The following TAFA1 variants were observed in gnomAD, a reference collection of about 807,000 sequenced individuals.
TAFA1 encodes TAFA chemokine like family member 1, also known as chemokine-like protein TAFA-1.
In TAFA1, 4 loss-of-function variants were observed where a neutral mutation model predicts 18.5. The observed-to-expected ratio is 0.22, with a 90% CI of 0.11 to 0.49. The LOEUF is 0.49. TAFA1 is among the 20% of genes least tolerant of loss of function. TAFA1 has a pLI of 0.98. For synonymous variants in TAFA1, 56 were observed against 55.2 expected, an observed-to-expected ratio of 1.01 and a Z score of -0.06; for missense variants, 147 against 169.0, an observed-to-expected ratio of 0.87 and a Z score of 0.72.
At chr3:68,474,281 A>G (rs575953667) in intron 3 of TAFA1, among the ~76,000 whole-genome samples, 1 of 152,222 alleles carries the variant, frequency 6.6e-6, no homozygotes, top group South Asian at 2.1e-4. Flanking sequence ...TCACCACTAT[A>G]CCAGGCTTCT....
At chr3:68,392,931 G>A (rs561227744) in intron 2 of TAFA1, among the ~76,000 whole-genome samples, 9 of 151,848 alleles carry the variant, frequency 5.9e-5, no homozygotes, top group East Asian at 5.8e-4. Flanking sequence ...ACACCCTAAC[G>A]TCACAATTAA....
intron 2 of TAFA1, among the ~76,000 whole-genome samples, chr3:68,364,231 G>A (rs2069525775): frequency 1.3e-5 from 2 of 152,160 alleles, no homozygotes; most frequent in South Asian, 4.1e-4. Context: ...TGTAATATTT[G>A]TTTAAAATAC....
At chr3:68,532,988 C>T (rs2073212357) in intron 3 of TAFA1, among the ~76,000 whole-genome samples, 1 of 151,266 alleles carries the variant, frequency 6.6e-6, no homozygotes, top group African/African-American at 2.4e-5. Flanking sequence ...AAAAGAGACA[C>T]CAGTCACCAT....
intron 2 of TAFA1, among the ~76,000 whole-genome samples, chr3:68,338,435 C>T (rs547573355): frequency 6.6e-6 from 1 of 152,252 alleles, no homozygotes; most frequent in African/African-American, 2.4e-5. Flanking sequence ...CCTCTGTTAA[C>T]AGTGAATGTT....
chr3:68,390,623 G>A lies in TAFA1; in HGVS notation c.119-26657G>A, dbSNP rs115400142. Among the ~76,000 whole-genome samples the A allele has an allele frequency of 8.1e-3, 1,239 of 152,324 alleles. 15 individuals are homozygous for A. Among genetic ancestry groups the A allele is most frequent in the African/African-American group, 0.028 (1,168 of 41,566 alleles). The stretch of plus-strand genomic sequence containing the variant: ...CAGGAGAGGCAGCGGGCATCTGGCA[G>A]GTGGCCCTGTGGGACAAAGCTTCCA... On this transcript the variant is annotated intron_variant, in intron 2 of 4. Transcript: ENST00000478136.
chr3:68,002,757 C>G (rs549838694), upstream of TAFA1, among the ~76,000 whole-genome samples: 3 of 152,268 alleles, frequency 2.0e-5, no homozygotes, highest in East Asian at 5.8e-4. Flanking sequence ...GAAATCTGCT[C>G]TGTCTTTTAC....
intron 2 of TAFA1, among the ~76,000 whole-genome samples, chr3:68,393,766 G>C (rs547291786): frequency 6.6e-6 from 1 of 151,802 alleles, no homozygotes; most frequent in Admixed American, 6.6e-5. Flanking sequence ...CAAAAATTAC[G>C]TGATTATCTC....
the TAFA1 span, among the ~76,000 whole-genome samples, chr3:67,998,323 G>C: frequency 6.6e-6 from 1 of 152,118 alleles, no homozygotes; most frequent in Admixed American, 6.6e-5. Flanking sequence ...AGCTTTGCTA[G>C]CCTTAGTCAA....
rs569422049 is a variant in TAFA1 at position 68,233,990 on chromosome 3, T to G, written c.119-183290T>G. ...AAACTGGCAGAAAAGCAATGGTAAT[T>G]GTGGAGTTCAAGCCAGGAGATCCCT... On this transcript the variant is annotated intron_variant, in intron 2 of 4. Coordinates refer to ENST00000478136, the MANE Select transcript of TAFA1 (RefSeq NM_213609.4). Among the ~76,000 whole-genome samples the G allele has an allele frequency of 1.8e-4, 27 of 152,224 alleles. 1 individual carries two copies. Among genetic ancestry groups the G allele is most frequent in the African/African-American group, 5.5e-4 (23 of 41,526 alleles).
At chr3:68,500,299 T>C (rs2072634793) in intron 3 of TAFA1, among the ~76,000 whole-genome samples, 1 of 152,164 alleles carries the variant, frequency 6.6e-6, no homozygotes, top group African/African-American at 2.4e-5. Context: ...CAATCTGTCA[T>C]GGGCCGATAC....
At chr3:68,276,967 A>C (rs1400235349) in intron 2 of TAFA1, among the ~76,000 whole-genome samples, 1 of 152,160 alleles carries the variant, frequency 6.6e-6, no homozygotes, top group African/African-American at 2.4e-5. Flanking sequence ...TCAAGTATAC[A>C]AGAGGAAATT....
At chr3:68,043,963 C>T (rs1156479446) in intron 2 of TAFA1, among the ~76,000 whole-genome samples, 1 of 152,014 alleles carries the variant, frequency 6.6e-6, no homozygotes, top group Non-Finnish European at 1.5e-5. Flanking sequence ...GTTTTCTGAC[C>T]TAGAACCCCC....
At chr3:68,346,562 T>C (rs949901757) in intron 2 of TAFA1, among the ~76,000 whole-genome samples, 2 of 152,168 alleles carry the variant, frequency 1.3e-5, no homozygotes, top group Non-Finnish European at 2.9e-5. Flanking sequence ...GCAACAGTAT[T>C]TGGGAGTGTT....
intron 2 of TAFA1, among the ~76,000 whole-genome samples, chr3:68,355,701 C>T (rs2069348941): frequency 6.6e-6 from 1 of 151,814 alleles, no homozygotes; most frequent in Non-Finnish European, 1.5e-5. Flanking sequence ...TATGTAGCTC[C>T]AGGGAAAAAT....
chr3:68,488,175 C>T (rs2072382160), intron 3 of TAFA1, among the ~76,000 whole-genome samples: 1 of 152,152 alleles, frequency 6.6e-6, no homozygotes, highest in African/African-American at 2.4e-5. Flanking sequence ...TGATGTCCCA[C>T]AATAGGCCGT....
chr3:68,302,954 T>G (rs1188244453), intron 2 of TAFA1, among the ~76,000 whole-genome samples: 1 of 152,208 alleles, frequency 6.6e-6, no homozygotes, highest in Non-Finnish European at 1.5e-5. Flanking sequence ...CTTGAACCTC[T>G]GCGTCTCAGT....
chr3:68,170,907 C>T (rs913440141), intron 2 of TAFA1, among the ~76,000 whole-genome samples: 2 of 151,868 alleles, frequency 1.3e-5, no homozygotes, highest in African/African-American at 4.8e-5. Context: ...CAAATATATA[C>T]TTTACAGAAT....
In TAFA1 at chr3:68,491,866, GA is replaced by G. The variant is rs1382085855; in HGVS notation, c.260-46888del. 4.6e-5 allele frequency among the ~76,000 whole-genome samples: 7 copies of G among 151,978 alleles called. No individual in the cohort carries two copies. In the East Asian group the frequency reaches 1.4e-3, roughly 29 times the overall value. On this transcript the variant is annotated intron_variant, in intron 3 of 4. Transcript: ENST00000478136. ...CCCCTACTCTAGACCTACCAAATCA[GA>G]ATCTCTGCCTGTATGTCCCAGAAAT...
chr3:68,131,938 G>T (rs1476446849), intron 2 of TAFA1, among the ~76,000 whole-genome samples: 1 of 151,472 alleles, frequency 6.6e-6, no homozygotes, highest in Non-Finnish European at 1.5e-5. Flanking sequence ...ATGCAGGTTT[G>T]TTACATAGGT....
Sources: gnomAD v4.1 joint callset for allele counts (sites outside exome capture counted in the v4.1 genomes callset) on GRCh38, gnomAD v4.1.1 for gene constraint, MANE v1.5 for transcripts, NCBI Gene and HGNC (gene_info 2026-07-23, HGNC 2026-07-21) for gene names.